POLR1C: variants seen among roughly 807,000 people sequenced by gnomAD.
POLR1C encodes the protein DNA-directed RNA polymerases I and III subunit RPAC1.
Under a neutral mutation model 38.3 loss-of-function variants are expected in POLR1C, and 42 were observed. The observed-to-expected ratio is 1.10, with a 90% CI of 0.86 to 1.42. The LOEUF (loss-of-function observed/expected upper bound fraction) is 1.42, where lower values mean the gene tolerates loss of function less well. Ranked by LOEUF, POLR1C falls within the 40% of genes most tolerant of loss-of-function variation. The pLI, the probability that POLR1C is intolerant of heterozygous loss-of-function variation, is 0.00. For synonymous variants in POLR1C, 163 were observed against 163.9 expected (o/e 0.99, Z 0.04); for missense variants, 507 against 450.5 (o/e 1.13, Z -1.14).
At chr6:43,524,121 G>A, downstream of POLR1C, 1 of 1,438,014 alleles carries the variant, frequency 7.0e-7, no homozygotes, top group Non-Finnish European at 9.3e-7. Context: ...GGAGGCCAAG[G>A]CGGGTGGATC....
chr6:43,529,127 T>A, intron 8 of POLR1C: 1 of 1,190,282 alleles, frequency 8.4e-7, no homozygotes, highest in Non-Finnish European at 1.2e-6. Context: ...ATACTCTTAG[T>A]TTAGCTGCAT....
intron 10 of POLR1C, chr6:43,553,536 C>A: frequency 2.0e-6 from 3 of 1,534,748 alleles, no homozygotes; most frequent in Non-Finnish European, 2.6e-6. Flanking sequence ...TACACACACA[C>A]ACACACACAC....
intron 9 of POLR1C, chr6:43,547,516 A>C (rs949911331): frequency 8.4e-7 from 1 of 1,195,472 alleles, no homozygotes; most frequent in Non-Finnish European, 1.2e-6. Context: ...TCACCAGTAT[A>C]GAAAAAACAA....
intron 3 of POLR1C, 43 bp downstream of exon 3, chr6:43,519,483 C>A: frequency 7.0e-7 from 1 of 1,426,202 alleles, no homozygotes; most frequent in Non-Finnish European, 9.9e-7. Context: ...GCTTTGGGAA[C>A]TGCACTGACA....
rs867830469 is a variant in POLR1C at position 43,518,353 on chromosome 6, C to T, written c.141+976C>T. Among the ~76,000 whole-genome samples the T allele has an allele frequency of 9.9e-5, 15 of 152,268 alleles. 1 individual carries two copies. Among genetic ancestry groups the T allele is most frequent in the South Asian group, 8.3e-4 (4 of 4,826 alleles). On this transcript the variant is annotated intron_variant, in intron 2 of 8. Coordinates refer to ENST00000642195, the MANE Select transcript of POLR1C (RefSeq NM_203290.4). ...AGGCTGTGGGGGTAGCATAAAATGA[C>T]TTTTTGGCTTGGGAACTGCTTTGAT...
intron 8 of POLR1C, chr6:43,529,106 T>G (rs1183952995): frequency 2.8e-6 from 3 of 1,081,512 alleles, no homozygotes; most frequent in Non-Finnish European, 4.1e-6. Flanking sequence ...GCACTGATAT[T>G]GAATTCCATT....
chr6:43,521,165 G>A lies in POLR1C; in HGVS notation c.923-17G>A. 6.2e-7 allele frequency: 1 copy of A among 1,613,744 alleles called. No individual in the cohort carries two copies. The highest frequency in any genetic ancestry group is 8.5e-7 in the Non-Finnish European group (1 of 1,179,644). ...AGGCAAGCCCTGCCTAGACTAAAGT[G>A]TCTCTTTGGTCCCCAGTCTCTGTTG... On this transcript the variant is annotated splice_polypyrimidine_tract_variant and intron_variant, in intron 8 of 8. Transcript: ENST00000642195.
chr6:43,541,372 T>TATTGAC (rs1794680912), intron 9 of POLR1C, among the ~76,000 whole-genome samples: 4 of 152,228 alleles, frequency 2.6e-5, no homozygotes, highest in Non-Finnish European at 5.9e-5. Flanking sequence ...ACATCTTATG[T>TATTGAC]ACCCCATAAA....
intron 9 of POLR1C, among the ~76,000 whole-genome samples, chr6:43,537,935 G>T (rs1237006042): frequency 1.3e-5 from 2 of 151,628 alleles, no homozygotes; most frequent in African/African-American, 4.8e-5. Context: ...AGGCGTGGTG[G>T]CGCACACCTG....
exon 11 of POLR1C, chr6:43,562,240 A>G: frequency 6.3e-7 from 1 of 1,599,718 alleles, no homozygotes; most frequent in Non-Finnish European, 8.5e-7. Context: ...AGCAAACACT[A>G]GCTCACCAGC....
In POLR1C at chr6:43,519,827, A is replaced by G. The variant is rs764567148; in HGVS notation, c.371A>G (p.Tyr124Cys). 3.1e-6 allele frequency: 5 copies of G among 1,614,126 alleles called. No homozygotes were observed. Among genetic ancestry groups the G allele is most frequent in the South Asian group, 2.2e-5 (2 of 91,080 alleles). The change falls in exon 4 of 9, where the codon TAT becomes TGT. Residue 124 changes from tyrosine (Y) to cysteine (C), a missense_variant. Transcript: ENST00000642195. ...PIHADPRLFE[Y>C]RNQGDEEGTE... ...CATGCTGATCCCCGTCTTTTTGAGT[A>G]TCGGAACCAAGGTGAGAAAATGAAA...
chr6:43,545,295 T>G (rs1004824791), intron 9 of POLR1C, among the ~76,000 whole-genome samples: 1 of 152,230 alleles, frequency 6.6e-6, no homozygotes, highest in Non-Finnish European at 1.5e-5. Flanking sequence ...TGGGTGTCTA[T>G]TCCCAGGAGA....
downstream of POLR1C, chr6:43,523,431 G>A (rs528641002): frequency 2.2e-5 from 7 of 321,904 alleles, no homozygotes; most frequent in Non-Finnish European, 3.7e-5. Flanking sequence ...GGGAGTTGGA[G>A]TGGTCCAAGA....
downstream of POLR1C, chr6:43,525,999 A>G (rs904953306): frequency 4.6e-6 from 7 of 1,528,624 alleles, no homozygotes; most frequent in Non-Finnish European, 6.3e-6. Context: ...GAAGCGCAAA[A>G]AACAAAGCAA....
chr6:43,559,901 A>T (rs1264804361), intron 10 of POLR1C, among the ~76,000 whole-genome samples: 2 of 151,878 alleles, frequency 1.3e-5, no homozygotes, highest in Non-Finnish European at 2.9e-5. Context: ...ATGCAGCTTC[A>T]ACTTCCCAAG....
chr6:43,554,487 C>T (rs904502824), intron 10 of POLR1C, among the ~76,000 whole-genome samples: 30 of 151,078 alleles, frequency 2.0e-4, no homozygotes, highest in African/African-American at 7.3e-4. Context: ...TGCAGTGGCA[C>T]GATCTTGGCT....
intron 9 of POLR1C, chr6:43,539,368 C>T: frequency 3.2e-6 from 5 of 1,580,052 alleles, no homozygotes; most frequent in Non-Finnish European, 4.3e-6. Context: ...TCTGCTTCTG[C>T]ACTGGCATAA....
In POLR1C at chr6:43,520,588, A is replaced by T. The variant is rs373166712; in HGVS notation, c.656-37A>T. On this transcript the variant is annotated intron_variant, in intron 6 of 8. Coordinates refer to ENST00000642195, the MANE Select transcript of POLR1C (RefSeq NM_203290.4). ...GAGGAGTATTCTTCCTAACCCTAGA[A>T]GGGTTTCCTATAGGCACGTTCCCTC... The T allele has an allele frequency of 4.3e-6, 7 of 1,613,648 alleles. No individual in the cohort carries two copies. In the African/African-American group the frequency reaches 9.3e-5, roughly 22 times the overall value.
chr6:43,553,736 A>C, intron 10 of POLR1C: 2 of 783,934 alleles, frequency 2.6e-6, no homozygotes, highest in Non-Finnish European at 3.5e-6. Context: ...TCCTCTAACA[A>C]TGAGCGGTCT....
Sources: gnomAD v4.1 joint callset for allele counts (sites outside exome capture counted in the v4.1 genomes callset) on GRCh38, gnomAD v4.1.1 for gene constraint, MANE v1.5 for transcripts, NCBI Gene and HGNC (gene_info 2026-07-23, HGNC 2026-07-21) for gene names.